The following ZFYVE9 variants were observed in gnomAD, a reference collection of about 807,000 sequenced individuals.
ZFYVE9 encodes zinc finger FYVE-type containing 9.
ZFYVE9 carries 43 observed loss-of-function variants against 126.7 expected under a neutral mutation model. That is an observed-to-expected ratio of 0.34 (90% CI 0.27 to 0.44). ZFYVE9 has a LOEUF of 0.44. Ranked by LOEUF, ZFYVE9 falls within the 20% of genes least tolerant of loss-of-function variation. ZFYVE9 has a pLI of 1.00. For missense variants in ZFYVE9, 1,476 were observed against 1,697.0 expected (o/e 0.87, Z 2.29); for synonymous variants, 521 against 597.4 (o/e 0.87, Z 1.87).
chr1:52,215,105 T>C (rs1485302997), intron 1 of ZFYVE9, among the ~76,000 whole-genome samples: 1 of 152,238 alleles, frequency 6.6e-6, no homozygotes, highest in Non-Finnish European at 1.5e-5. Context: ...TGAAAAACTA[T>C]ATATATGATT....
chr1:52,231,320 C>A (rs1645219036), intron 2 of ZFYVE9, among the ~76,000 whole-genome samples: 1 of 152,014 alleles, frequency 6.6e-6, no homozygotes, highest in Non-Finnish European at 1.5e-5. Flanking sequence ...GAGTTTGAGA[C>A]CAGCCTGGCC....
chr1:52,255,862 A>T (rs980822113), intron 4 of ZFYVE9, among the ~76,000 whole-genome samples: 4 of 151,346 alleles, frequency 2.6e-5, no homozygotes, highest in East Asian at 1.9e-4. Flanking sequence ...CTCAAAAAAA[A>T]TTTTTTTTAA....
At chr1:52,205,513 A>G (rs1278754114) in intron 1 of ZFYVE9, among the ~76,000 whole-genome samples, 1 of 151,040 alleles carries the variant, frequency 6.6e-6, no homozygotes, top group African/African-American at 2.4e-5. Context: ...ACAAGTGTGC[A>G]CCACCATGCC....
intron 13 of ZFYVE9, among the ~76,000 whole-genome samples, chr1:52,315,169 C>T (rs1170523390): frequency 6.6e-6 from 1 of 152,202 alleles, no homozygotes; most frequent in African/African-American, 2.4e-5. Context: ...TGGCTCATGC[C>T]TGTAATCCCT....
chr1:52,332,741 A>C, intron 13 of ZFYVE9, 27 bp from the exon 14 acceptor site: 5 of 1,598,468 alleles, frequency 3.1e-6, no homozygotes, highest in East Asian at 2.2e-5. Context: ...CATTCTTGTC[A>C]GAATAAGGTT....
chr1:52,314,615 C>T (rs1224095873), intron 13 of ZFYVE9, among the ~76,000 whole-genome samples: 3 of 152,016 alleles, frequency 2.0e-5, no homozygotes, highest in Non-Finnish European at 4.4e-5. Flanking sequence ...CTCAGGAGTT[C>T]GAGACCACCT....
intron 10 of ZFYVE9, among the ~76,000 whole-genome samples, chr1:52,292,124 C>G (rs1022399512): frequency 9.9e-5 from 15 of 151,110 alleles, no homozygotes; most frequent in African/African-American, 3.4e-4. Context: ...ACTAAAAATG[C>G]GAAAAAAATC....
chr1:52,179,946 C>T (rs1644681971), intron 1 of ZFYVE9: 12 of 1,066,072 alleles, frequency 1.1e-5, no homozygotes, highest in Admixed American at 3.4e-5. Context: ...AGATGAGCAG[C>T]GCATCCTCCA....
intron 8 of ZFYVE9, among the ~76,000 whole-genome samples, chr1:52,278,235 A>G (rs568134021): frequency 3.0e-4 from 46 of 152,008 alleles, no homozygotes; most frequent in Non-Finnish European, 5.4e-4. Context: ...AGATTGTGGC[A>G]CAAACCACTG....
At chr1:52,210,874 C>T (rs915635545) in intron 1 of ZFYVE9, among the ~76,000 whole-genome samples, 3 of 152,166 alleles carry the variant, frequency 2.0e-5, no homozygotes, top group African/African-American at 7.2e-5. Context: ...AGGTTCTTCT[C>T]GAACTTCTGA....
rs77226862 is a variant in ZFYVE9, at chr1:52,334,463, G to A, written c.3590-225G>A. ...AAGATACTTGGATTCTTAATTAGAG[G>A]AAGAACAAAACAAAATGGGGGAGTG... On this transcript the variant is annotated intron_variant, in intron 14 of 18. Coordinates refer to ENST00000287727, the MANE Select transcript of ZFYVE9 (RefSeq NM_004799.4). Among the ~76,000 whole-genome samples the A allele has an allele frequency of 9.2e-3, 1,405 of 152,264 alleles. 9 individuals are homozygous for A. Among genetic ancestry groups the A allele is most frequent in the Admixed American group, 0.016 (247 of 15,294 alleles).
intron 13 of ZFYVE9, among the ~76,000 whole-genome samples, chr1:52,307,828 T>A (rs1339818791): frequency 1.3e-5 from 2 of 151,660 alleles, no homozygotes; most frequent in African/African-American, 4.8e-5. Flanking sequence ...CTCGGCTCAC[T>A]GCAAGCTCCG....
intron 10 of ZFYVE9, among the ~76,000 whole-genome samples, chr1:52,286,540 C>T (rs1374256377): frequency 6.6e-6 from 1 of 152,136 alleles, no homozygotes; most frequent in Non-Finnish European, 1.5e-5. Context: ...TTCAGAATGC[C>T]TTCTGGTTAT....
intron 2 of ZFYVE9, among the ~76,000 whole-genome samples, chr1:52,232,517 T>C (rs910292736): frequency 4.6e-5 from 7 of 151,892 alleles, no homozygotes; most frequent in African/African-American, 1.7e-4. Flanking sequence ...TCACTTGAGG[T>C]CAGGAGTTTG....
chr1:52,262,407 G>T (rs1002015931), intron 4 of ZFYVE9, among the ~76,000 whole-genome samples: 1 of 152,156 alleles, frequency 6.6e-6, no homozygotes, highest in African/African-American at 2.4e-5. Context: ...CATATAGTTT[G>T]CTGTGAACTT....
At chr1:52,244,838 G>A (rs144303399) in intron 4 of ZFYVE9, among the ~76,000 whole-genome samples, 60 of 152,232 alleles carry the variant, frequency 3.9e-4, no homozygotes, top group African/African-American at 1.4e-3. Flanking sequence ...CTATTTCCAT[G>A]TATTTGTTCT....
chr1:52,242,509 A>G (rs1345341442), intron 4 of ZFYVE9, among the ~76,000 whole-genome samples: 1 of 152,192 alleles, frequency 6.6e-6, no homozygotes, highest in Non-Finnish European at 1.5e-5. Flanking sequence ...GAATTAAACA[A>G]TAAGTGAATA....
rs370863018 is a variant in ZFYVE9 at position 52,191,560 on chromosome 1, T to C, written c.-142-24809T>C. On this transcript the variant is annotated intron_variant, in intron 1 of 18. Coordinates refer to ENST00000287727, the MANE Select transcript of ZFYVE9 (RefSeq NM_004799.4). Reference sequence around the variant, plus strand: ...TTTATGAAGTATTTCTGCATTGTCATCTAATTTTCTAATCCTTACCACAGT... The same window carrying C: ...TTTATGAAGTATTTCTGCATTGTCACCTAATTTTCTAATCCTTACCACAGT... 2.0e-5 allele frequency among the ~76,000 whole-genome samples: 3 copies of C among 152,366 alleles called. No individual in the cohort carries two copies. In the East Asian group the frequency reaches 5.8e-4, roughly 29 times the overall value.
intron 17 of ZFYVE9, among the ~76,000 whole-genome samples, chr1:52,343,699 T>C (rs1384207225): frequency 6.6e-6 from 1 of 151,172 alleles, no homozygotes; most frequent in Non-Finnish European, 1.5e-5. Context: ...GAGGTTGCAC[T>C]GAACTGAGAT....
Sources: allele counts gnomAD v4.1 joint callset (sites outside exome capture counted in the v4.1 genomes callset), GRCh38; gene constraint gnomAD v4.1.1; transcripts MANE v1.5; gene names NCBI Gene and HGNC (gene_info 2026-07-23, HGNC 2026-07-21).